MIA3: variants seen among roughly 807,000 people sequenced by gnomAD.
MIA3 encodes MIA SH3 domain ER export factor 3.
In MIA3, 90 loss-of-function variants were observed where a neutral mutation model predicts 192.4. That is an observed-to-expected ratio of 0.47 (90% CI 0.39 to 0.56). The LOEUF is 0.56. Among genes scored for constraint, MIA3 ranks in the 20% least tolerant of loss-of-function variants. The pLI is 0.00. For synonymous variants in MIA3, 740 were observed against 792.8 expected, an observed-to-expected ratio of 0.93 and a Z score of 1.12; for missense variants, 2,123 against 2,269.4, an observed-to-expected ratio of 0.94 and a Z score of 1.31.
Position 222,654,877 on chromosome 1 carries a change from C to T in MIA3, c.4607+84C>T, listed in dbSNP as rs1663634773. On this transcript the variant is annotated intron_variant, in intron 18 of 27. Transcript: ENST00000344922. Reference sequence around the variant, plus strand: ...TAATATAGATAATGTTATCGTTTTTCAGGATTGTACTCTTTTGCATCTGTA... The same window carrying T: ...TAATATAGATAATGTTATCGTTTTTTAGGATTGTACTCTTTTGCATCTGTA... The T allele has an allele frequency of 4.2e-6, 5 of 1,177,784 alleles. No homozygotes were observed. In the South Asian group the frequency reaches 7.5e-5, roughly 18 times the overall value. The allele number at this position is 1,177,784 out of a possible 1,614,324, so 73.0% of individuals were successfully genotyped here.
chr1:222,637,404 T>A (rs1309697564), intron 6 of MIA3, among the ~76,000 whole-genome samples: 1 of 152,226 alleles, frequency 6.6e-6, no homozygotes. Flanking sequence ...ATTCTCTTTA[T>A]ATTGTTCCTC....
At position 222,666,964 on chromosome 1, in the gene MIA3, T is replaced by C. The variant is rs184739404; in HGVS notation, c.*1345T>C. The C allele has an allele frequency of 2.8e-4, 43 of 152,332 alleles. No homozygotes were observed. Among genetic ancestry groups the C allele is most frequent in the Admixed American group, 1.0e-3 (16 of 15,304 alleles). 9.4% of individuals were successfully genotyped at this position (152,332 alleles called of 1,614,324 possible). ...TAAAACTAAAATCATAAAAGGCTGATACTTTTGTTTGCTGCTAGGCTATAT... is the reference window on the plus strand; with the variant it reads ...TAAAACTAAAATCATAAAAGGCTGACACTTTTGTTTGCTGCTAGGCTATAT... On this transcript the variant is annotated 3_prime_UTR_variant, in exon 28 of 28. Coordinates refer to ENST00000344922, the MANE Select transcript of MIA3 (RefSeq NM_198551.4).
rs1382032225 is a variant in MIA3, at chr1:222,645,570, C to T, written c.3494C>T (p.Pro1165Leu). The change falls in exon 7 of 28, where the codon CCT (proline) becomes CTT (leucine). Residue 1165 changes from proline (P) to leucine (L), a missense_variant. This residue lies in a region of MIA3 where 1,357 missense variants were observed against 1,396.1 expected (regional missense o/e 0.97). Coordinates refer to ENST00000344922, the MANE Select transcript of MIA3 (RefSeq NM_198551.4). ...YLTKSLVATL[P>L]DDVQPGPDFY... ...AACATTCAGCTAGTTGCTACATTGC[C>T]TGATGATGTTCAGCCTGGGCCTGAT... 1.2e-6 allele frequency: 2 copies of T among 1,611,608 alleles called. No homozygotes were observed. The highest frequency in any genetic ancestry group is 1.7e-6 in the Non-Finnish European group (2 of 1,178,690).
chr1:222,647,474 A>C (rs1663202834), intron 7 of MIA3, among the ~76,000 whole-genome samples: 1 of 152,164 alleles, frequency 6.6e-6, no homozygotes, highest in African/African-American at 2.4e-5. Flanking sequence ...ATCATTAATA[A>C]ATTTTCTCTC....
chr1:222,629,204 G>A lies in MIA3; in HGVS notation c.1984G>A (p.Asp662Asn). 6.2e-7 allele frequency: 1 copy of A among 1,614,212 alleles called. No homozygotes were observed. ...AAATCTTCCCTGGCAACAAGAAAGA[G>A]ATGTGGCTGCCACAGCCAGTAAGCA... ...GRNLPWQQERDVAATASKQMS... is the reference protein window; with the variant it reads ...GRNLPWQQERNVAATASKQMS... The change falls in exon 4 of 28, where the codon GAT becomes AAT. Residue 662 changes from aspartate to asparagine, a missense_variant. Transcript: ENST00000344922.
chr1:222,618,414 G>A (rs1358460237), intron 1 of MIA3, among the ~76,000 whole-genome samples, 171 bp downstream of exon 1: 1 of 152,048 alleles, frequency 6.6e-6, no homozygotes, highest in Non-Finnish European at 1.5e-5. Flanking sequence ...GGGTGGGCGC[G>A]CTCCGGGTCC....
intron 6 of MIA3, among the ~76,000 whole-genome samples, chr1:222,639,752 T>C (rs945635376): frequency 6.6e-6 from 1 of 152,166 alleles, no homozygotes; most frequent in African/African-American, 2.4e-5. Flanking sequence ...CTTAAATCAC[T>C]TTTATGAAAG....
At chr1:222,664,447 GTAGATAAA>G (rs1386657816) in intron 27 of MIA3, among the ~76,000 whole-genome samples, 1 of 152,178 alleles carries the variant, frequency 6.6e-6, no homozygotes, top group Admixed American at 6.5e-5. Flanking sequence ...GGATAGCAAG[GTAGATAAA>G]ATACATCCCC....
In MIA3 at chr1:222,628,620, A is replaced by G. The variant is rs1272212749; in HGVS notation, c.1400A>G (p.Lys467Arg). 5 of 1,614,036 alleles carry G rather than the reference A, an allele frequency of 3.1e-6. No individual in the cohort carries two copies. Among genetic ancestry groups the G allele is most frequent in the Non-Finnish European group, 4.2e-6 (5 of 1,179,996 alleles). Residue 467 changes from lysine to arginine, a missense_variant, in exon 4 of 28, where the codon AAA becomes AGA. Physicochemically the swap from Lys to Arg is conservative, Grantham distance 26 (BLOSUM62 2). This residue lies in a region of MIA3 where 1,357 missense variants were observed against 1,396.1 expected (regional missense o/e 0.97). Coordinates refer to ENST00000344922, the MANE Select transcript of MIA3 (RefSeq NM_198551.4). Reference protein sequence around the residue: ...EVNAEHHIKGKGRGVQESKRG... With the variant: ...EVNAEHHIKGRGRGVQESKRG... ...AACGCAGAACATCACATTAAAGGAA[A>G]AGGGAGGGGAGTTCAGGAATCCAAG...
chr1:222,629,757 A>G lies in MIA3; in HGVS notation c.2537A>G (p.Gln846Arg), dbSNP rs1662306216. 2.5e-6 allele frequency: 4 copies of G among 1,614,232 alleles called. No individual in the cohort carries two copies. The highest frequency in any genetic ancestry group is 3.4e-6 in the Non-Finnish European group (4 of 1,180,050). ...IQTPELGEVFQNKDSDYLKND... is the reference protein window; with the variant it reads ...IQTPELGEVFRNKDSDYLKND... Reference sequence around the variant, plus strand: ...ACTCCAGAATTAGGTGAAGTGTTTCAGAATAAAGATTCTGATTATCTGAAG... The same window carrying G: ...ACTCCAGAATTAGGTGAAGTGTTTCGGAATAAAGATTCTGATTATCTGAAG... The change falls in exon 4 of 28, where the codon CAG (glutamine) becomes CGG (arginine). Residue 846 changes from glutamine (Q) to arginine (R), a missense_variant. Coordinates refer to ENST00000344922, the MANE Select transcript of MIA3 (RefSeq NM_198551.4).
At chr1:222,646,693 C>T (rs1663165688) in intron 7 of MIA3, among the ~76,000 whole-genome samples, 1 of 152,126 alleles carries the variant, frequency 6.6e-6, no homozygotes, top group Non-Finnish European at 1.5e-5. Flanking sequence ...CAGATCATGC[C>T]ACTGCACTCC....
chr1:222,648,476 G>A (rs1022217846), intron 7 of MIA3, among the ~76,000 whole-genome samples: 15 of 152,082 alleles, frequency 9.9e-5, no homozygotes, highest in African/African-American at 3.6e-4. Context: ...GTGACTTTGA[G>A]TAAATAAAAC....
intron 2 of MIA3, 122 bp from the exon 3 acceptor site, chr1:222,624,641 AATGAC>A: frequency 1.7e-6 from 1 of 604,486 alleles, no homozygotes; most frequent in Non-Finnish European, 3.0e-6. Flanking sequence ...GGAGAAAAGT[AATGAC>A]ATTACAAGAA....
chr1:222,633,697 G>GTT (rs1259832190), intron 6 of MIA3, among the ~76,000 whole-genome samples: 1 of 152,030 alleles, frequency 6.6e-6, no homozygotes, highest in South Asian at 2.1e-4. Flanking sequence ...TTGACTTGGA[G>GTT]TTGTCAAATA....
intron 24 of MIA3, among the ~76,000 whole-genome samples, chr1:222,661,840 C>G (rs1217438080): frequency 6.6e-6 from 1 of 152,076 alleles, no homozygotes; most frequent in Non-Finnish European, 1.5e-5. Flanking sequence ...AGAACCAGAG[C>G]CATTAATGTG....
Position 222,659,810 on chromosome 1 carries a change from A to G in MIA3, c.4874+9A>G. The G allele has an allele frequency of 6.2e-7, 1 of 1,613,808 alleles. No individual in the cohort carries two copies. The highest frequency in any genetic ancestry group is 1.1e-5 in the South Asian group (1 of 91,048). On this transcript the variant is annotated intron_variant, in intron 22 of 27. Coordinates refer to ENST00000344922, the MANE Select transcript of MIA3 (RefSeq NM_198551.4). The stretch of plus-strand genomic sequence containing the variant: ...GCCAATTTGAGACACAAGTATGTGG[A>G]TTTTGATGGCTATATTTTCAGCGCG...
At chr1:222,662,148 G>GA (rs768152837) in intron 25 of MIA3, 24 bp downstream of exon 25, 7 of 1,611,990 alleles carry the variant, frequency 4.3e-6, no homozygotes, top group Non-Finnish European at 5.9e-6. Context: ...AGTGTTCAAA[G>GA]AGTCTAAAAC....
chr1:222,651,878 C>G (rs747080919), intron 11 of MIA3, 99 bp from the exon 12 acceptor site: 1 of 770,098 alleles, frequency 1.3e-6, no homozygotes, highest in Non-Finnish European at 2.3e-6. Context: ...GGGGATGGCT[C>G]TGGGACATAC....
chr1:222,629,256 A>T lies in MIA3; in HGVS notation c.2036A>T (p.Glu679Val). ...ATGAGTGAGAAGATAAGGCTCTCTG[A>T]GGGAGAAGCCAAAGAGGACTCCTTG... ...KQMSEKIRLS[E>V]GEAKEDSLDE... The change falls in exon 4 of 28, where the codon GAG (glutamate) becomes GTG (valine). Residue 679 changes from glutamate (E) to valine (V), a missense_variant. Glu to Val is a moderately radical substitution (Grantham distance 121). Around this residue, in one of 3 missense-constraint regions of MIA3, gnomAD observed 1,357 missense variants for 1,396.1 expected, o/e 0.97. Coordinates refer to ENST00000344922, the MANE Select transcript of MIA3 (RefSeq NM_198551.4). 6.2e-7 allele frequency: 1 copy of T among 1,614,220 alleles called. No individual in the cohort carries two copies. Among genetic ancestry groups the T allele is most frequent in the Non-Finnish European group, 8.5e-7 (1 of 1,180,042 alleles).
Sources: allele counts gnomAD v4.1 joint callset (sites outside exome capture counted in the v4.1 genomes callset), GRCh38; gene constraint gnomAD v4.1.1; regional missense constraint gnomAD v4.1.1; transcripts MANE v1.5; gene names NCBI Gene and HGNC (gene_info 2026-07-23, HGNC 2026-07-21).